Variants in CDCA7 observed in about 807,000 individuals in gnomAD.
The protein encoded by CDCA7 is cell division cycle-associated protein 7.
Under a neutral mutation model 54.0 loss-of-function variants are expected in CDCA7, and 28 were observed. The ratio of observed to expected loss-of-function variants is 0.52; its 90% CI spans 0.38 to 0.71. The LOEUF (loss-of-function observed/expected upper bound fraction) is 0.71. Ranked by LOEUF, CDCA7 falls within the 30% of genes least tolerant of loss-of-function variation. The pLI, the probability that CDCA7 is intolerant of heterozygous loss-of-function variation, is 0.00. For synonymous variants in CDCA7, 180 were observed against 208.2 expected, an observed-to-expected ratio of 0.86 and a Z score of 1.16; for missense variants, 484 against 586.0, an observed-to-expected ratio of 0.83 and a Z score of 1.80.
chr2:173,364,877 G>A lies in CDCA7; in HGVS notation c.782G>A (p.Arg261Lys). ...NPERRARPLT[R>K]SRSRILGSLD... ...GAACGGAGAGCTCGTCCTCTTACCA[G>A]GTCAAGGTCCCGGATCCTCGGGTCC... Residue 261 changes from arginine to lysine, a missense_variant, in exon 6 of 10, where the codon AGG (arginine) becomes AAG (lysine). Coordinates refer to ENST00000306721, the MANE Select transcript of CDCA7 (RefSeq NM_031942.5). 6.2e-7 allele frequency: 1 copy of A among 1,611,174 alleles called. No individual in the cohort carries two copies. The highest frequency in any genetic ancestry group is 8.5e-7 in the Non-Finnish European group (1 of 1,179,008).
At position 173,365,506 on chromosome 2, in the gene CDCA7, A is replaced by G. The variant is rs1264071006; in HGVS notation, c.949A>G (p.Ile317Val). The G allele has an allele frequency of 6.2e-7, 1 of 1,614,196 alleles. No individual in the cohort carries two copies. Among genetic ancestry groups the G allele is most frequent in the East Asian group, 2.2e-5 (1 of 44,892 alleles). Residue 317 changes from isoleucine (I) to valine (V), a missense_variant, in exon 7 of 10, where the codon ATA becomes GTA. Ile to Val is a conservative substitution (Grantham distance 29). Transcript: ENST00000306721. ...CAGATCATCCGTGACCCTTCCGCATATAATTCGCCCAGTGGAAGAAATTAC... is the reference window on the plus strand; with the variant it reads ...CAGATCATCCGTGACCCTTCCGCATGTAATTCGCCCAGTGGAAGAAATTAC... The part of the protein sequence containing the change: ...RSRSSVTLPH[I>V]IRPVEEITEE...
intron 5 of CDCA7, 25 bp downstream of exon 5, chr2:173,363,920 A>G (rs1686670253): frequency 1.2e-6 from 2 of 1,603,828 alleles, no homozygotes; most frequent in South Asian, 1.1e-5. Flanking sequence ...TTGTTTATAT[A>G]CAGTAGTGTT....
chr2:173,365,422 G>A, intron 6 of CDCA7, 30 bp from the exon 7 acceptor site: 1 of 1,566,594 alleles, frequency 6.4e-7, no homozygotes, highest in Non-Finnish European at 8.7e-7. Flanking sequence ...CAGTTTTGAA[G>A]TTCTGTGTTT....
Position 173,368,201 on chromosome 2 carries a change from A to G in CDCA7, c.*537A>G, listed in dbSNP as rs1276237768. 1.3e-5 allele frequency: 2 copies of G among 156,480 alleles called. No homozygotes were observed. The highest frequency in any genetic ancestry group is 2.8e-5 in the Non-Finnish European group (2 of 70,660). 9.7% of individuals were successfully genotyped at this position (156,480 alleles called of 1,614,324 possible). ...AAAATTAGGTAATTATTGCAGATTG[A>G]TGTCTCTCAATCCCATGTATTGCGC... is the stretch of plus-strand genomic sequence containing the variant. On this transcript the variant is annotated 3_prime_UTR_variant, in exon 10 of 10. Coordinates refer to ENST00000306721, the MANE Select transcript of CDCA7 (RefSeq NM_031942.5).
chr2:173,354,887 C>G lies in CDCA7; in HGVS notation c.-77C>G. The G allele has an allele frequency of 2.1e-6, 3 of 1,451,732 alleles. No homozygotes were observed. Among genetic ancestry groups the G allele is most frequent in the Non-Finnish European group, 2.7e-6 (3 of 1,103,340 alleles). The allele number at this position is 1,451,732 out of a possible 1,614,324, so 89.9% of individuals were successfully genotyped here. ...TGCCAGCCGCGCTGCTGCTGCTCCT[C>G]CTGCTGTGGGACCGCTGACCGCGCG... On this transcript the variant is annotated 5_prime_UTR_variant, in exon 1 of 10. Coordinates refer to ENST00000306721, the MANE Select transcript of CDCA7 (RefSeq NM_031942.5).
intron 3 of CDCA7, among the ~76,000 whole-genome samples, chr2:173,360,799 A>G (rs1686605981): frequency 6.6e-6 from 1 of 151,988 alleles, no homozygotes; most frequent in African/African-American, 2.4e-5. Flanking sequence ...TAATGTTAAA[A>G]CTGAGTCTTT....
chr2:173,364,984 A>C lies in CDCA7; in HGVS notation c.889A>C (p.Met297Leu). The C allele has an allele frequency of 1.3e-6, 2 of 1,574,868 alleles. No individual in the cohort carries two copies. Among genetic ancestry groups the C allele is most frequent in the Non-Finnish European group, 1.7e-6 (2 of 1,166,530 alleles). ...VRKRKTVDGY[M>L]NEDDLPRSRR... Reference sequence around the variant, plus strand: ...AAAGAGGAAGACCGTGGATGGCTACATGAATGTGAGTTCTCCGCATTGGTA... The same window carrying C: ...AAAGAGGAAGACCGTGGATGGCTACCTGAATGTGAGTTCTCCGCATTGGTA... The change falls in exon 6 of 10, where the codon ATG becomes CTG. Residue 297 changes from methionine to leucine, a missense_variant. Physicochemically the swap from Met to Leu is conservative, Grantham distance 15. This residue lies in a region of CDCA7 where 398 missense variants were observed against 447.4 expected (regional missense o/e 0.89). Coordinates refer to ENST00000306721, the MANE Select transcript of CDCA7 (RefSeq NM_031942.5).
In CDCA7 at chr2:173,364,778, A is replaced by T; in HGVS notation, c.700-17A>T. On this transcript the variant is annotated splice_polypyrimidine_tract_variant and intron_variant, in intron 5 of 9. Transcript: ENST00000306721. ...TATTATGGAATAAATGGATTCCCTT[A>T]TACGTGCTTTGTTTAGCAATCAAGG... 6.3e-7 allele frequency: 1 copy of T among 1,588,054 alleles called. No individual in the cohort carries two copies. The highest frequency in any genetic ancestry group is 8.5e-7 in the Non-Finnish European group (1 of 1,172,714).
chr2:173,365,705 A>G, intron 7 of CDCA7, 113 bp downstream of exon 7: 1 of 1,212,906 alleles, frequency 8.2e-7, no homozygotes, highest in East Asian at 2.6e-5. Flanking sequence ...ATCTGTACCT[A>G]TATGTTTTTT....
chr2:173,365,680 G>T, intron 7 of CDCA7, 88 bp downstream of exon 7: 1 of 1,421,624 alleles, frequency 7.0e-7, no homozygotes, highest in Non-Finnish European at 9.5e-7. Context: ...GGTTCTAAAG[G>T]GCCTAGCATG....
intron 5 of CDCA7, 69 bp downstream of exon 5, chr2:173,363,964 T>TA (rs1574219593): frequency 3.6e-6 from 5 of 1,397,454 alleles, no homozygotes; most frequent in East Asian, 4.6e-5. Flanking sequence ...GTGTTGTATT[T>TA]AAAAATCTAA....
Position 173,367,788 on chromosome 2 carries a change from C to CTGCT in CDCA7, c.*124_*125insTGCT. Reference sequence around the variant, plus strand: ...AGCCTGTTTCATAAGAAACTCCAATCAAGTTAATCTTAGCAGACATGTGTT... The same window carrying CTGCT: ...AGCCTGTTTCATAAGAAACTCCAATCTGCTAAGTTAATCTTAGCAGACATGTGTT... On this transcript the variant is annotated 3_prime_UTR_variant, in exon 10 of 10. Transcript: ENST00000306721. 1 of 1,021,472 alleles carries CTGCT rather than the reference C, an allele frequency of 9.8e-7. No individual in the cohort carries two copies. Among genetic ancestry groups the CTGCT allele is most frequent in the Non-Finnish European group, 1.5e-6 (1 of 648,116 alleles). 63.3% of individuals were successfully genotyped at this position (1,021,472 alleles called of 1,614,324 possible).
intron 3 of CDCA7, among the ~76,000 whole-genome samples, chr2:173,359,841 T>C (rs1686586558): frequency 6.6e-6 from 1 of 152,194 alleles, no homozygotes; most frequent in Non-Finnish European, 1.5e-5. Context: ...CTAGTGCCTG[T>C]CATAGAGCAG....
Position 173,366,687 on chromosome 2 carries a change from C to T in CDCA7, c.1185+255C>T, listed in dbSNP as rs752470702. Among the ~76,000 whole-genome samples the T allele has an allele frequency of 1.2e-4, 19 of 152,090 alleles. No homozygotes were observed. Among genetic ancestry groups the T allele is most frequent in the East Asian group, 7.7e-4 (4 of 5,182 alleles). On this transcript the variant is annotated intron_variant, in intron 8 of 9. Transcript: ENST00000306721. This position sits in a 1 kb window ranked among gnomAD's most constrained non-coding sequence, Gnocchi z 4.5. ...CCAAGTAGCTGGGACTACAGGCACG[C>T]GCCACCACACCTAGCTAATTTTTGT...
In CDCA7 at chr2:173,367,727, T is replaced by C. The variant is rs1033425276; in HGVS notation, c.*63T>C. 1 of 1,554,846 alleles carries C rather than the reference T, an allele frequency of 6.4e-7. No individual in the cohort carries two copies. The highest frequency in any genetic ancestry group is 1.4e-5 in the African/African-American group (1 of 73,540). The stretch of plus-strand genomic sequence containing the variant: ...ATCTTTCTTGTAAAAGTTTCCAATT[T>C]TTTCACTGAAACCTGAGTTAAAAAT... On this transcript the variant is annotated 3_prime_UTR_variant, in exon 10 of 10. Coordinates refer to ENST00000306721, the MANE Select transcript of CDCA7 (RefSeq NM_031942.5).
chr2:173,360,621 G>A (rs1574216837), intron 3 of CDCA7, among the ~76,000 whole-genome samples: 2 of 152,168 alleles, frequency 1.3e-5, no homozygotes, highest in Admixed American at 6.5e-5. Flanking sequence ...GACTACAGGC[G>A]TGTACCACCA....
chr2:173,361,806 T>A (rs371038754), intron 3 of CDCA7, among the ~76,000 whole-genome samples: 1 of 152,026 alleles, frequency 6.6e-6, no homozygotes, highest in South Asian at 2.1e-4. Context: ...TTTTGTGTTT[T>A]TTTTTATTTT....
At position 173,358,823 on chromosome 2, in the gene CDCA7, A is replaced by G. The variant is rs752614678; in HGVS notation, c.133A>G (p.Asn45Asp). Residue 45 changes from asparagine to aspartate, a missense_variant, in exon 2 of 10, where the codon AAT (asparagine) becomes GAT (aspartate). Asn to Asp is a conservative substitution (Grantham distance 23). Coordinates refer to ENST00000306721, the MANE Select transcript of CDCA7 (RefSeq NM_031942.5). ...DDSCDSFASD[N>D]FANTKPKFRS... Reference sequence around the variant, plus strand: ...CAGTTGTGACAGCTTTGCTTCTGATAATTTTGCAAACACGGTAAGTGCTGC... The same window carrying G: ...CAGTTGTGACAGCTTTGCTTCTGATGATTTTGCAAACACGGTAAGTGCTGC... The G allele has an allele frequency of 6.2e-7, 1 of 1,613,406 alleles. No homozygotes were observed. Among genetic ancestry groups the G allele is most frequent in the South Asian group, 1.1e-5 (1 of 90,912 alleles).
chr2:173,363,390 C>G lies in CDCA7; in HGVS notation c.549C>G (p.Ser183=), dbSNP rs35285795. 30 of 1,614,066 alleles carry G rather than the reference C, an allele frequency of 1.9e-5. No homozygotes were observed. In the African/African-American group the frequency reaches 1.9e-4, roughly 10 times the overall value. The change falls in exon 4 of 10, where the codon TCC becomes TCG. Residue 183 remains serine, a synonymous_variant. Coordinates refer to ENST00000306721, the MANE Select transcript of CDCA7 (RefSeq NM_031942.5). The part of the protein sequence containing the change: ...PSENSVTDSN[S]DSEDESGMNF... ...AGAATTCTGTGACTGATTCCAACTC[C>G]GATTCAGAAGATGAAAGTGGAATGA... is the stretch of plus-strand genomic sequence containing the variant.
Sources: allele counts gnomAD v4.1 joint callset (sites outside exome capture counted in the v4.1 genomes callset), GRCh38; gene constraint gnomAD v4.1.1; regional missense constraint gnomAD v4.1.1; non-coding constraint Gnocchi (gnomAD v3.1); transcripts MANE v1.5; gene names NCBI Gene and HGNC (gene_info 2026-07-23, HGNC 2026-07-21).